Variants in SLC66A3 observed in about 807,000 individuals in gnomAD.
SLC66A3 encodes PQ loop repeat containing 3.
SLC66A3 carries 23 observed loss-of-function variants against 25.5 expected under a neutral mutation model. That is an observed-to-expected ratio of 0.90 (90% CI 0.65 to 1.28). The LOEUF (loss-of-function observed/expected upper bound fraction) is 1.28, where lower values mean the gene tolerates loss of function less well. SLC66A3 is among the 50% of genes most tolerant of loss of function. The pLI is 0.00. For synonymous variants in SLC66A3, 108 were observed against 112.6 expected, an observed-to-expected ratio of 0.96 and a Z score of 0.26; for missense variants, 246 against 262.1, an observed-to-expected ratio of 0.94 and a Z score of 0.42.
rs1412618825 is a variant in SLC66A3 at position 11,164,253 on chromosome 2, C to T, written c.346C>T (p.Leu116=). The T allele has an allele frequency of 1.3e-6, 2 of 1,559,404 alleles. No individual in the cohort carries two copies. Among genetic ancestry groups the T allele is most frequent in the East Asian group, 2.5e-5 (1 of 40,250 alleles). ...TGCCCTGCAGAAGTGGATCATAGAC[C>T]TGGCCATGGTAAGTATTATGCTTGA... ...ILALQKWIID[L]AMNLCTFISA... is the part of the protein sequence containing the mutation. Residue 116 remains leucine, a synonymous_variant, in exon 4 of 7, where the codon CTG becomes TTG. Coordinates refer to ENST00000295083, the MANE Select transcript of SLC66A3 (RefSeq NM_152391.5).
At chr2:11,160,936 G>A (rs1662104490) in intron 3 of SLC66A3, 2 of 606,056 alleles carry the variant, frequency 3.3e-6, no homozygotes, top group Non-Finnish European at 5.8e-6. Context: ...AAGGCAGATC[G>A]GTAGAGTCCA....
chr2:11,156,480 C>T (rs1415426853), intron 1 of SLC66A3, among the ~76,000 whole-genome samples: 1 of 152,180 alleles, frequency 6.6e-6, no homozygotes. Context: ...TGCCCCCCGC[C>T]ATCACCCAGT....
chr2:11,171,501 C>A (rs1662551387), intron 4 of SLC66A3, among the ~76,000 whole-genome samples: 1 of 151,432 alleles, frequency 6.6e-6, no homozygotes, highest in African/African-American at 2.4e-5. Flanking sequence ...TAGGTTTCAA[C>A]TTTGTACAAT....
At chr2:11,155,759 G>C (rs907262541) in intron 1 of SLC66A3, 70 bp downstream of exon 1, 4 of 1,285,730 alleles carry the variant, frequency 3.1e-6, no homozygotes, top group Admixed American at 4.2e-5. Context: ...GCCCAGGAGA[G>C]CCTCGGCTCG....
intron 3 of SLC66A3, among the ~76,000 whole-genome samples, chr2:11,161,387 G>T (rs1662125519): frequency 6.6e-6 from 1 of 151,004 alleles, no homozygotes; most frequent in African/African-American, 2.4e-5. Context: ...AAGCTTGATT[G>T]CCTTGATCAA....
At position 11,155,555 on chromosome 2, in the gene SLC66A3, G is replaced by A. The variant is rs1410353486; in HGVS notation, c.9G>A (p.Ala3=). 1 of 1,501,108 alleles carries A rather than the reference G, an allele frequency of 6.7e-7. No homozygotes were observed. The allele number at this position is 1,501,108 out of a possible 1,614,324, so 93.0% of individuals were successfully genotyped here. ...CCCGCGCCCGTGGCGCTATGGAGGC[G>A]GCGCTGCTGGGGCTGTGTAACTGGA... ME[A]ALLGLCNWST... Residue 3 remains alanine, a synonymous_variant, in exon 1 of 7, where the codon GCG becomes GCA. Coordinates refer to ENST00000295083, the MANE Select transcript of SLC66A3 (RefSeq NM_152391.5).
At chr2:11,172,650 G>A in intron 5 of SLC66A3, 1 of 308,930 alleles carries the variant, frequency 3.2e-6, no homozygotes. Flanking sequence ...ATCTTAAAGG[G>A]CTAATGTCTC....
Position 11,175,008 on chromosome 2 carries a change from A to C in SLC66A3, c.516A>C (p.Thr172=), listed in dbSNP as rs1193032570. 1 of 1,603,756 alleles carries C rather than the reference A, an allele frequency of 6.2e-7. No homozygotes were observed. Among genetic ancestry groups the C allele is most frequent in the Non-Finnish European group, 8.5e-7 (1 of 1,174,780 alleles). The change falls in exon 6 of 7, where the codon ACA becomes ACC. Residue 172 remains threonine (T), a splice_region_variant and synonymous_variant. Coordinates refer to ENST00000295083, the MANE Select transcript of SLC66A3 (RefSeq NM_152391.5). ...CCTTAATGACCACCAATGATTTTAC[A>C]AGTAAGCAAAATATCTTCTCACTTC... ...ITTLMTTNDF[T]ILLRFVIMLA...
intron 3 of SLC66A3, among the ~76,000 whole-genome samples, chr2:11,162,752 G>A (rs1317741754): frequency 6.6e-5 from 10 of 151,984 alleles, no homozygotes; most frequent in African/African-American, 9.7e-5. Context: ...GACTACAGGC[G>A]CCCACCACCA....
At position 11,177,841 on chromosome 2, in the gene SLC66A3, T is replaced by G. The variant is rs1662819428; in HGVS notation, c.*13T>G. On this transcript the variant is annotated 3_prime_UTR_variant, in exon 7 of 7. Coordinates refer to ENST00000295083, the MANE Select transcript of SLC66A3 (RefSeq NM_152391.5). ...AAAGGCTGAATGATGGATACATTAT[T>G]CCTTCACACAGTGGATTTTGAGTAA... 6.7e-7 allele frequency: 1 copy of G among 1,490,308 alleles called. No homozygotes were observed. The highest frequency in any genetic ancestry group is 1.4e-5 in the African/African-American group (1 of 72,164). The allele number at this position is 1,490,308 out of a possible 1,614,324, so 92.3% of individuals were successfully genotyped here. A position where few individuals can be genotyped will look rare whatever the true frequency, so the allele number is the denominator to read the frequency against.
At chr2:11,160,909 GC>G in intron 3 of SLC66A3, 1 of 727,284 alleles carries the variant, frequency 1.4e-6, no homozygotes, top group Non-Finnish European at 2.2e-6. Flanking sequence ...CCTGGGCGGT[GC>G]CAGCAGGCCG....
At chr2:11,157,921 C>T (rs552227953) in intron 1 of SLC66A3, among the ~76,000 whole-genome samples, 2 of 152,284 alleles carry the variant, frequency 1.3e-5, no homozygotes, top group Admixed American at 6.5e-5. Context: ...TCCTGGAGCA[C>T]AAGATTCATC....
intron 4 of SLC66A3, among the ~76,000 whole-genome samples, chr2:11,169,783 CT>C (rs1329284693): frequency 3.3e-5 from 5 of 150,046 alleles, no homozygotes; most frequent in Non-Finnish European, 7.4e-5. Flanking sequence ...GAACTCTGTT[CT>C]TCCACTGCAA....
At chr2:11,165,343 T>C (rs1035979548) in intron 4 of SLC66A3, among the ~76,000 whole-genome samples, 18 of 138,612 alleles carry the variant, frequency 1.3e-4, no homozygotes, top group Middle Eastern at 4.5e-3. Context: ...TCTCAGACGA[T>C]GGGCGACCGG....
intron 4 of SLC66A3, among the ~76,000 whole-genome samples, chr2:11,167,954 T>A (rs1214795596): frequency 6.6e-6 from 1 of 152,186 alleles, no homozygotes; most frequent in African/African-American, 2.4e-5. Context: ...ATACTCATAG[T>A]TTATTCACAA....
At chr2:11,163,851 TCTC>T (rs1401095569) in intron 3 of SLC66A3, among the ~76,000 whole-genome samples, 1 of 152,218 alleles carries the variant, frequency 6.6e-6, no homozygotes, top group African/African-American at 2.4e-5. Context: ...ATGTTGGACT[TCTC>T]CTTTAAGTGC....
At chr2:11,165,243 A>T (rs1662285196) in intron 4 of SLC66A3, among the ~76,000 whole-genome samples, 1 of 136,424 alleles carries the variant, frequency 7.3e-6, no homozygotes, top group South Asian at 2.2e-4. Flanking sequence ...TGCCGGGCGT[A>T]GGGGCTCCTC....
chr2:11,161,312 T>C (rs533971778), intron 3 of SLC66A3, among the ~76,000 whole-genome samples: 1 of 151,766 alleles, frequency 6.6e-6, no homozygotes, highest in East Asian at 1.9e-4. Flanking sequence ...ACGGTCTCGC[T>C]CTGTGGCCTA....
At chr2:11,168,015 T>G (rs1295441313) in intron 4 of SLC66A3, among the ~76,000 whole-genome samples, 3 of 152,136 alleles carry the variant, frequency 2.0e-5, no homozygotes, top group African/African-American at 2.4e-5. Flanking sequence ...GTGCGGTGGC[T>G]CACGCCTGTG....
Sources: allele counts gnomAD v4.1 joint callset (sites outside exome capture counted in the v4.1 genomes callset), GRCh38; gene constraint gnomAD v4.1.1; transcripts MANE v1.5; gene names NCBI Gene and HGNC (gene_info 2026-07-23, HGNC 2026-07-21).